Variants in PBRM1 observed in about 807,000 individuals in gnomAD.
PBRM1 encodes the protein protein polybromo-1.
PBRM1 carries 27 observed loss-of-function variants against 194.5 expected under a neutral mutation model. The observed-to-expected ratio is 0.14, with a 90% CI of 0.10 to 0.19. PBRM1 has a LOEUF of 0.19. Ranked by LOEUF, PBRM1 falls within the 10% of genes least tolerant of loss-of-function variation. The probability of loss-of-function intolerance (pLI) is 1.00; values close to 1 mark genes in which losing one functional copy is unlikely to be tolerated. For missense variants in PBRM1, 1,466 were observed against 2,077.2 expected, an observed-to-expected ratio of 0.71 and a Z score of 5.72; for synonymous variants, 655 against 693.2, an observed-to-expected ratio of 0.94 and a Z score of 0.87.
chr3:52,588,699 C>T (rs1378346797), intron 18 of PBRM1, among the ~76,000 whole-genome samples: 4 of 151,824 alleles, frequency 2.6e-5, no homozygotes, highest in Non-Finnish European at 5.9e-5. Context: ...GGACTACAGG[C>T]GCCCGCCACC....
intron 17 of PBRM1, among the ~76,000 whole-genome samples, chr3:52,598,450 G>A (rs1485114940): frequency 2.0e-5 from 3 of 152,070 alleles, no homozygotes; most frequent in Non-Finnish European, 4.4e-5. Flanking sequence ...TACAATATCT[G>A]TCCTTTTCAG....
At chr3:52,584,369 T>C (rs748756536) in intron 20 of PBRM1, among the ~76,000 whole-genome samples, 9 of 152,124 alleles carry the variant, frequency 5.9e-5, no homozygotes, top group Non-Finnish European at 1.2e-4. Context: ...CATATGGATT[T>C]TGAAATTTCT....
intron 13 of PBRM1, among the ~76,000 whole-genome samples, chr3:52,622,141 A>AGGTTG (rs2095302566): frequency 2.0e-5 from 3 of 152,166 alleles, no homozygotes; most frequent in Non-Finnish European, 4.4e-5. Flanking sequence ...GGAGTTCGAG[A>AGGTTG]CCAGCCTGGC....
At chr3:52,663,899 A>C (rs1294041256) in intron 3 of PBRM1, among the ~76,000 whole-genome samples, 1 of 152,068 alleles carries the variant, frequency 6.6e-6, no homozygotes, top group Non-Finnish European at 1.5e-5. Flanking sequence ...CTCTACTGAA[A>C]ATACAAAAAA....
intron 1 of PBRM1, 63 bp downstream of exon 1, chr3:52,685,686 C>T (rs1346901546): frequency 6.7e-6 from 1 of 149,628 alleles, no homozygotes; most frequent in African/African-American, 2.4e-5. Context: ...CGCCCGGGCC[C>T]ACACAAAGGC....
rs368469770 is a variant in PBRM1, at chr3:52,569,996, G to A, written c.3692-5763C>T. On this transcript the variant is annotated intron_variant, in intron 22 of 29. Transcript: ENST00000296302. ...TCTTTTTTTGTTTTTTGTTTGAGACGGAGTCTCACTCTGTCGCTAGGCTGC... is the reference window on the plus strand; with the variant it reads ...TCTTTTTTTGTTTTTTGTTTGAGACAGAGTCTCACTCTGTCGCTAGGCTGC... Among the ~76,000 whole-genome samples the A allele has an allele frequency of 7.2e-5, 11 of 152,070 alleles. No individual in the cohort carries two copies. The South Asian group carries it at 1.5e-3, about 20-fold the overall frequency.
rs60912505 is a variant in PBRM1, at chr3:52,626,542, T to C, written c.1541+731A>G. On this transcript the variant is annotated intron_variant, in intron 13 of 29. Transcript: ENST00000296302. ...CCTGGATTGACTGTTGCTGCAAAGA[T>C]GGTGAGGCAGTCATGATTAAAGGAC... Among the ~76,000 whole-genome samples the C allele has an allele frequency of 5.4e-3, 820 of 152,280 alleles. 8 individuals carry two copies. Among genetic ancestry groups the C allele is most frequent in the African/African-American group, 0.019 (784 of 41,552 alleles).
chr3:52,651,827 C>T lies in PBRM1; in HGVS notation c.646-17G>A. The T allele has an allele frequency of 1.3e-6, 2 of 1,530,350 alleles. No homozygotes were observed. The highest frequency in any genetic ancestry group is 1.8e-6 in the Non-Finnish European group (2 of 1,113,888). The allele number at this position is 1,530,350 out of a possible 1,614,324, so 94.8% of individuals were successfully genotyped here. ...TGGATATTGCTGGAAGACAAAAAAC[C>T]AGGCATGCTCAATAAGTTAAACTAT... On this transcript the variant is annotated splice_polypyrimidine_tract_variant and intron_variant, in intron 5 of 29. Coordinates refer to ENST00000296302, the Ensembl canonical transcript of PBRM1.
chr3:52,632,814 C>T (rs772347951), intron 11 of PBRM1, among the ~76,000 whole-genome samples: 6 of 151,834 alleles, frequency 4.0e-5, no homozygotes, highest in Admixed American at 3.3e-4. Context: ...CTACCTCAGC[C>T]GCCCGAGTAG....
At position 52,615,332 on chromosome 3, in the gene PBRM1, A is replaced by T; in HGVS notation, c.1924+19T>A. ...TCTTGATAGACTAAACTAAATAATG[A>T]AGTGTGAGGCTGCCTTACTCAGCTT... On this transcript the variant is annotated intron_variant, in intron 15 of 29. Transcript: ENST00000296302. The T allele has an allele frequency of 7.7e-7, 1 of 1,303,414 alleles. No individual in the cohort carries two copies. Among genetic ancestry groups the T allele is most frequent in the Non-Finnish European group, 1.1e-6 (1 of 897,432 alleles). 80.7% of individuals were successfully genotyped at this position (1,303,414 alleles called of 1,614,324 possible).
chr3:52,677,711 C>G (rs1247587975), intron 2 of PBRM1, among the ~76,000 whole-genome samples: 1 of 152,132 alleles, frequency 6.6e-6, no homozygotes, highest in Non-Finnish European at 1.5e-5. Context: ...TTGCGCCCAG[C>G]CTTGCACCTG....
chr3:52,640,422 C>G (rs2096026103), intron 10 of PBRM1, among the ~76,000 whole-genome samples: 1 of 151,820 alleles, frequency 6.6e-6, no homozygotes, highest in African/African-American at 2.4e-5. Context: ...AGGCATGCAC[C>G]AACACGCCTG....
exon 21 of PBRM1, chr3:52,579,191 T>A (rs1395568069): frequency 6.2e-7 from 1 of 1,613,876 alleles, no homozygotes; most frequent in Non-Finnish European, 8.5e-7. Flanking sequence ...CAGGGACATC[T>A]TCTTTTTCCT....
intron 17 of PBRM1, among the ~76,000 whole-genome samples, chr3:52,594,702 T>C (rs932529248): frequency 6.6e-6 from 1 of 152,216 alleles, no homozygotes; most frequent in Non-Finnish European, 1.5e-5. Flanking sequence ...TTGTAGTGTC[T>C]GGTAACAGTC....
In PBRM1 at chr3:52,668,653, A is replaced by G; in HGVS notation, c.237-8T>C. 2 of 1,524,592 alleles carry G rather than the reference A, an allele frequency of 1.3e-6. No individual in the cohort carries two copies. The highest frequency in any genetic ancestry group is 1.8e-6 in the Non-Finnish European group (2 of 1,135,988). The allele number at this position is 1,524,592 out of a possible 1,614,324, so 94.4% of individuals were successfully genotyped here. On this transcript the variant is annotated splice_region_variant and splice_polypyrimidine_tract_variant and intron_variant, in intron 2 of 29. Transcript: ENST00000296302. ...TAATAGTCTGGTTGATTTCTGTTAT[A>G]ATTTAAATTTTTTTAAAGGAGATTA...
At chr3:52,680,675 T>C (rs1362803632), upstream of PBRM1, among the ~76,000 whole-genome samples, 4 of 152,122 alleles carry the variant, frequency 2.6e-5, no homozygotes, top group East Asian at 3.9e-4. Flanking sequence ...TTCTTTCTTT[T>C]TTAGGTGGAG....
rs144121315 is a variant in PBRM1, at chr3:52,678,294, G to T, written c.236+206C>A. 1.4e-4 allele frequency among the ~76,000 whole-genome samples: 22 copies of T among 152,176 alleles called. No homozygotes were observed. The East Asian group carries it at 4.2e-3, about 29-fold the overall frequency. On this transcript the variant is annotated intron_variant, in intron 2 of 29. Transcript: ENST00000296302. The stretch of plus-strand genomic sequence containing the variant: ...AAAAATCAAGTAGCTGGGATTATAG[G>T]TGCATGTTACTGTGCCTGGCTCAAC...
At chr3:52,635,123 C>T (rs1051953475) in intron 10 of PBRM1, among the ~76,000 whole-genome samples, 2 of 152,030 alleles carry the variant, frequency 1.3e-5, no homozygotes, top group Admixed American at 6.6e-5. Context: ...GATGGGGTTT[C>T]GTCATGTTGC....
intron 17 of PBRM1, among the ~76,000 whole-genome samples, chr3:52,602,789 CACCA>C (rs2094097425): frequency 6.6e-6 from 1 of 152,158 alleles, no homozygotes; most frequent in South Asian, 2.1e-4. Context: ...TTACTATTCT[CACCA>C]ACCAAGTCTC....
Sources: gnomAD v4.1 joint callset for allele counts (sites outside exome capture counted in the v4.1 genomes callset) on GRCh38, gnomAD v4.1.1 for gene constraint, MANE v1.5 for transcripts, NCBI Gene and HGNC (gene_info 2026-07-23, HGNC 2026-07-21) for gene names.